GLIS3: variants seen among roughly 807,000 people sequenced by gnomAD.
GLIS3 encodes zinc finger protein GLIS3.
Under a neutral mutation model 78.6 loss-of-function variants are expected in GLIS3, and 53 were observed. The observed-to-expected ratio is 0.67, with a 90% CI of 0.54 to 0.85. GLIS3 has a LOEUF of 0.85. Among genes scored for constraint, GLIS3 ranks in the 40% least tolerant of loss-of-function variants. GLIS3 has a pLI of 0.00. For synonymous variants in GLIS3, 684 were observed against 509.9 expected, an observed-to-expected ratio of 1.34 and a Z score of -4.60; for missense variants, 1,703 against 1,231.1, an observed-to-expected ratio of 1.38 and a Z score of -5.74.
chr9:4,301,144 T>A (rs1563923737), upstream of GLIS3, among the ~76,000 whole-genome samples: 1 of 151,352 alleles, frequency 6.6e-6, no homozygotes. Context: ...TCTGTATCCA[T>A]GATATTAACA....
intron 4 of GLIS3, among the ~76,000 whole-genome samples, chr9:4,008,100 G>A (rs1821705494): frequency 6.6e-6 from 1 of 152,154 alleles, no homozygotes; most frequent in African/African-American, 2.4e-5. Flanking sequence ...TCTAACAAAT[G>A]TTCCCAGTAC....
intron 2 of GLIS3, among the ~76,000 whole-genome samples, chr9:4,146,348 G>C (rs1173991622): frequency 6.6e-6 from 1 of 152,134 alleles, no homozygotes; most frequent in East Asian, 1.9e-4. Flanking sequence ...ACAATGTGTG[G>C]CATGTAACTC....
In GLIS3 at chr9:4,257,389, T is replaced by C. The variant is rs532248828; in HGVS notation, c.388+28649A>G. Among the ~76,000 whole-genome samples, 5 of 152,200 alleles carry C rather than the reference T, an allele frequency of 3.3e-5. No homozygotes were observed. The East Asian group carries it at 9.6e-4, about 29-fold the overall frequency. Reference sequence around the variant, plus strand: ...GGTGCAGTTATGTAAAATAAACAAGTCTAGAGTCTAACATACAGCATAAGG... The same window carrying C: ...GGTGCAGTTATGTAAAATAAACAAGCCTAGAGTCTAACATACAGCATAAGG... On this transcript the variant is annotated intron_variant, in intron 2 of 10. Coordinates refer to ENST00000381971, the MANE Select transcript of GLIS3 (RefSeq NM_001042413.2).
intron 2 of GLIS3, among the ~76,000 whole-genome samples, chr9:4,334,431 C>G (rs916582514): frequency 2.6e-5 from 4 of 152,220 alleles, no homozygotes; most frequent in Non-Finnish European, 5.9e-5. Context: ...TGGTCAGTGC[C>G]CTCTGTCCCC....
chr9:3,991,510 A>G (rs1381675619), intron 4 of GLIS3, among the ~76,000 whole-genome samples: 1 of 151,980 alleles, frequency 6.6e-6, no homozygotes, highest in African/African-American at 2.4e-5. Context: ...AAAATTAAAC[A>G]CGTCTCGGAG....
intron 4 of GLIS3, among the ~76,000 whole-genome samples, chr9:4,064,617 T>A (rs1381444610): frequency 6.6e-6 from 1 of 152,056 alleles, no homozygotes. Flanking sequence ...TGGTGAAACC[T>A]TGTGTCTACT....
intron 2 of GLIS3, among the ~76,000 whole-genome samples, chr9:4,215,860 A>C (rs897160333): frequency 6.6e-6 from 1 of 152,224 alleles, no homozygotes. Flanking sequence ...AGGCACACTC[A>C]GTAGTTTTCA....
intron 4 of GLIS3, among the ~76,000 whole-genome samples, chr9:4,094,353 C>A (rs765943447): frequency 7.9e-5 from 12 of 152,128 alleles, no homozygotes; most frequent in Non-Finnish European, 1.2e-4. Flanking sequence ...AGTACAATCT[C>A]CTATGTTAGT....
At chr9:3,903,805 G>A (rs1290038418) in intron 6 of GLIS3, among the ~76,000 whole-genome samples, 2 of 152,128 alleles carry the variant, frequency 1.3e-5, no homozygotes, top group Non-Finnish European at 2.9e-5. Flanking sequence ...GGAGTGATAG[G>A]GGGAATTTTG....
intron 2 of GLIS3, among the ~76,000 whole-genome samples, chr9:4,172,441 G>C (rs969341376): frequency 5.3e-5 from 8 of 152,096 alleles, no homozygotes; most frequent in African/African-American, 1.9e-4. Flanking sequence ...TGGGAATCTG[G>C]AGTTGATTCT....
intron 2 of GLIS3, among the ~76,000 whole-genome samples, chr9:4,342,141 A>C (rs1817841993): frequency 6.6e-6 from 1 of 152,006 alleles, no homozygotes; most frequent in South Asian, 2.1e-4. Context: ...TGCTTTTGGC[A>C]CTTTTGTCAT....
chr9:4,211,008 CCACTT>C (rs1258089338), intron 2 of GLIS3, among the ~76,000 whole-genome samples: 20 of 152,344 alleles, frequency 1.3e-4, no homozygotes, highest in Non-Finnish European at 2.1e-4. Context: ...ACACTCTTCT[CCACTT>C]AAGTAAATCC....
At chr9:3,908,656 T>A (rs181326602) in intron 6 of GLIS3, among the ~76,000 whole-genome samples, 6 of 152,178 alleles carry the variant, frequency 3.9e-5, no homozygotes, top group African/African-American at 1.4e-4. Flanking sequence ...AATGCGGGGA[T>A]TTTTTTCTAA....
At chr9:4,207,609 T>G (rs1050808519) in intron 2 of GLIS3, among the ~76,000 whole-genome samples, 1 of 152,190 alleles carries the variant, frequency 6.6e-6, no homozygotes, top group African/African-American at 2.4e-5. Flanking sequence ...CAGACATTAT[T>G]GCCTTTAATC....
chr9:4,084,352 G>C (rs1012927898), intron 4 of GLIS3, among the ~76,000 whole-genome samples: 1 of 151,490 alleles, frequency 6.6e-6, no homozygotes, highest in Non-Finnish European at 1.5e-5. Context: ...TTATCTTGCG[G>C]TTCTCTACAT....
intron 9 of GLIS3, among the ~76,000 whole-genome samples, chr9:3,838,081 A>G (rs554313149): frequency 1.3e-5 from 2 of 152,234 alleles, no homozygotes; most frequent in South Asian, 2.1e-4. Context: ...GAAATAGTCT[A>G]TTAAATGGGT....
chr9:3,930,674 G>T (rs1188241029), intron 6 of GLIS3, among the ~76,000 whole-genome samples: 2 of 152,228 alleles, frequency 1.3e-5, no homozygotes, highest in East Asian at 3.9e-4. Flanking sequence ...CTAGATAGGG[G>T]ACCGATACTC....
intron 4 of GLIS3, among the ~76,000 whole-genome samples, chr9:4,066,859 G>T (rs2000063): frequency 1.3e-5 from 2 of 151,974 alleles, no homozygotes; most frequent in Non-Finnish European, 2.9e-5. Flanking sequence ...GGCACTTACG[G>T]TGCAACAAGT....
At chr9:4,257,052 GTAT>G (rs1368053880) in intron 2 of GLIS3, among the ~76,000 whole-genome samples, 8 of 152,026 alleles carry the variant, frequency 5.3e-5, no homozygotes, top group African/African-American at 1.2e-4. Context: ...TAGGTATTAT[GTAT>G]TATGTGTACA....
Sources: allele counts gnomAD v4.1 joint callset (sites outside exome capture counted in the v4.1 genomes callset), GRCh38; gene constraint gnomAD v4.1.1; transcripts MANE v1.5; gene names NCBI Gene and HGNC (gene_info 2026-07-23, HGNC 2026-07-21).